The following AHI1 variants were observed in gnomAD, a reference collection of about 807,000 sequenced individuals.
AHI1 encodes jouberin.
In AHI1, 123 loss-of-function variants were observed where a neutral mutation model predicts 149.3. The observed-to-expected ratio is 0.82, with a 90% confidence interval of 0.71 to 0.96. The LOEUF is 0.96. AHI1 is among the 40% of genes least tolerant of loss of function. The pLI, the probability that AHI1 is intolerant of heterozygous loss-of-function variation, is 0.00. For missense variants in AHI1, 1,439 were observed against 1,422.7 expected (o/e 1.01, Z -0.18); for synonymous variants, 475 against 459.8 (o/e 1.03, Z -0.42).
At chr6:135,384,976 C>A (rs1171742804) in intron 23 of AHI1, among the ~76,000 whole-genome samples, 1 of 152,066 alleles carries the variant, frequency 6.6e-6, no homozygotes, top group African/African-American at 2.4e-5. Context: ...GTAGTACCAG[C>A]TACTTGGGAG....
chr6:135,433,193 A>AAC lies in AHI1; in HGVS notation c.2098_2099dup (p.Tyr701PhefsTer10), dbSNP rs863225136. The AAC allele has an allele frequency of 5.0e-6, 8 of 1,612,990 alleles. No individual in the cohort carries two copies. Among genetic ancestry groups the AAC allele is most frequent in the Admixed American group, 1.7e-5 (1 of 60,010 alleles). ...CAGCTGGATGGAATTTAGCCGTGTAAACAAAAGAAGGATGAGGTAAAACTC... is the reference window on the plus strand; with the variant it reads ...CAGCTGGATGGAATTTAGCCGTGTAAACACAAAAGAAGGATGAGGTAAAACTC... On this transcript the variant is annotated frameshift_variant, in exon 16 of 29. Coordinates refer to ENST00000265602, the MANE Select transcript of AHI1 (RefSeq NM_001134831.2). LOFTEE classifies it high-confidence loss of function.
chr6:135,446,704 C>T (rs1340988448), intron 13 of AHI1, among the ~76,000 whole-genome samples: 1 of 152,186 alleles, frequency 6.6e-6, no homozygotes, highest in Non-Finnish European at 1.5e-5. Context: ...GACTTCTCGG[C>T]CTCCAGAACT....
chr6:135,421,495 C>T (rs1783150059), intron 20 of AHI1, among the ~76,000 whole-genome samples: 1 of 151,968 alleles, frequency 6.6e-6, no homozygotes, highest in Non-Finnish European at 1.5e-5. Flanking sequence ...TCTAATTTTA[C>T]AAGCAGAACA....
chr6:135,374,103 TA>T (rs1775507757), intron 23 of AHI1, among the ~76,000 whole-genome samples: 9 of 20,132 alleles, frequency 4.5e-4, no homozygotes, highest in African/African-American at 1.0e-3. Flanking sequence ...TATATATATA[TA>T]TATATTTTTT....
At chr6:135,443,051 T>A (rs1786573731) in intron 13 of AHI1, among the ~76,000 whole-genome samples, 1 of 152,236 alleles carries the variant, frequency 6.6e-6, no homozygotes, top group South Asian at 2.1e-4. Flanking sequence ...CCTTATTCTA[T>A]GACAGCACTA....
intron 21 of AHI1, 32 bp from the exon 22 acceptor site, chr6:135,405,009 T>C (rs748392846): frequency 6.4e-7 from 1 of 1,560,902 alleles, no homozygotes; most frequent in South Asian, 1.1e-5. Context: ...AAGGAAGTAT[T>C]CATAATTTCA....
At chr6:135,495,339 A>G (rs545883012) in intron 3 of AHI1, 18 of 152,274 alleles carry the variant, frequency 1.2e-4, no homozygotes, top group African/African-American at 4.3e-4. Flanking sequence ...CATTTATGAA[A>G]TGTCCCCTTC....
intron 23 of AHI1, among the ~76,000 whole-genome samples, chr6:135,363,478 T>C (rs1356131078): frequency 6.6e-6 from 1 of 152,190 alleles, no homozygotes; most frequent in African/African-American, 2.4e-5. Flanking sequence ...ACCATCCGAT[T>C]TCTCAATCTT....
At chr6:135,442,821 G>T in intron 13 of AHI1, 107 bp from the exon 14 acceptor site, 1 of 1,068,022 alleles carries the variant, frequency 9.4e-7, no homozygotes, top group Non-Finnish European at 1.3e-6. Context: ...ATGATGCAGA[G>T]AAAGAGAAAA....
chr6:135,373,753 G>T (rs1299533337), intron 23 of AHI1, among the ~76,000 whole-genome samples: 1 of 152,146 alleles, frequency 6.6e-6, no homozygotes, highest in African/African-American at 2.4e-5. Context: ...ACAGGAACAT[G>T]TGCCAAGTTT....
intron 27 of AHI1, among the ~76,000 whole-genome samples, chr6:135,290,941 C>A (rs112864809): frequency 2.6e-5 from 4 of 151,210 alleles, no homozygotes; most frequent in Admixed American, 2.6e-4. Flanking sequence ...CACACACACA[C>A]AAAAGTATAG....
At chr6:135,367,752 T>C (rs1213723000) in intron 23 of AHI1, among the ~76,000 whole-genome samples, 1 of 152,158 alleles carries the variant, frequency 6.6e-6, no homozygotes, top group African/African-American at 2.4e-5. Context: ...TCCATCCATA[T>C]CCTGTATCAT....
intron 26 of AHI1, among the ~76,000 whole-genome samples, chr6:135,317,184 T>C (rs1786084425): frequency 6.6e-6 from 1 of 152,082 alleles, no homozygotes; most frequent in Non-Finnish European, 1.5e-5. Flanking sequence ...TCAGCAACTA[T>C]TCTGCTGCAC....
chr6:135,320,186 T>A (rs74516959), intron 25 of AHI1, among the ~76,000 whole-genome samples: 1 of 152,130 alleles, frequency 6.6e-6, no homozygotes, highest in African/African-American at 2.4e-5. Context: ...TAATGAAGTG[T>A]GAGAGTTCAA....
rs970711938 is a variant in AHI1 at position 135,426,730 on chromosome 6, T to A, written c.2764+437A>T. Among the ~76,000 whole-genome samples the A allele has an allele frequency of 8.6e-5, 13 of 151,676 alleles. 1 individual carries two copies. Among genetic ancestry groups the A allele is most frequent in the African/African-American group, 3.1e-4 (13 of 41,394 alleles). On this transcript the variant is annotated intron_variant, in intron 20 of 28. Coordinates refer to ENST00000265602, the MANE Select transcript of AHI1 (RefSeq NM_001134831.2). ...TTTATTTCCTTATTATTTCTCAGAA[T>A]GATAGAATAGTGTAATTGCGGACAC...
At chr6:135,382,661 T>A (rs918354927) in intron 23 of AHI1, among the ~76,000 whole-genome samples, 8 of 152,036 alleles carry the variant, frequency 5.3e-5, no homozygotes, top group African/African-American at 1.9e-4. Context: ...GATAGCCTCC[T>A]TCTGAATTTC....
chr6:135,297,658 AT>A (rs1783283375), intron 27 of AHI1, among the ~76,000 whole-genome samples: 1 of 152,196 alleles, frequency 6.6e-6, no homozygotes, highest in African/African-American at 2.4e-5. Flanking sequence ...ACACATGACA[AT>A]AAATGCCTTT....
intron 23 of AHI1, among the ~76,000 whole-genome samples, chr6:135,383,086 CTTTT>C (rs1380395753): frequency 6.7e-6 from 1 of 148,862 alleles, no homozygotes; most frequent in Non-Finnish European, 1.5e-5. Context: ...AGAAAAAGAC[CTTTT>C]ATTTTGTGAA....
intron 23 of AHI1, among the ~76,000 whole-genome samples, chr6:135,391,658 CCAGT>C (rs1778511084): frequency 6.6e-6 from 1 of 152,104 alleles, no homozygotes; most frequent in Non-Finnish European, 1.5e-5. Flanking sequence ...CTCACCTTTT[CCAGT>C]CAAACCAAGA....
Sources: gnomAD v4.1 joint callset for allele counts (sites outside exome capture counted in the v4.1 genomes callset) on GRCh38, gnomAD v4.1.1 for gene constraint, MANE v1.5 for transcripts, NCBI Gene and HGNC (gene_info 2026-07-23, HGNC 2026-07-21) for gene names.